UNC79: variants seen among roughly 807,000 people sequenced by gnomAD.
UNC79 encodes protein unc-79 homolog.
Under a neutral mutation model 283.1 loss-of-function variants are expected in UNC79, and 37 were observed. The ratio of observed to expected loss-of-function variants is 0.13; its 90% CI spans 0.10 to 0.17. The LOEUF is 0.17. Among genes scored for constraint, UNC79 ranks in the 10% least tolerant of loss-of-function variants. The pLI is 1.00. For missense variants in UNC79, 2,272 were observed against 3,211.1 expected (o/e 0.71, Z 7.07); for synonymous variants, 1,107 against 1,200.2 (o/e 0.92, Z 1.61).
At chr14:93,503,121 C>T (rs554888489) in intron 7 of UNC79, among the ~76,000 whole-genome samples, 64 of 152,216 alleles carry the variant, frequency 4.2e-4, no homozygotes, top group African/African-American at 1.4e-3. Context: ...ACTTCCAATA[C>T]CCAAGATTAG....
At chr14:93,443,156 C>A (rs796122235) in intron 1 of UNC79, among the ~76,000 whole-genome samples, 1 of 151,660 alleles carries the variant, frequency 6.6e-6, no homozygotes, top group Non-Finnish European at 1.5e-5. Context: ...CCTAGGAAGC[C>A]GAGGTTGCAG....
intron 1 of UNC79, among the ~76,000 whole-genome samples, chr14:93,451,683 C>T (rs755939566): frequency 2.6e-5 from 4 of 152,168 alleles, no homozygotes; most frequent in Non-Finnish European, 5.9e-5. Flanking sequence ...TTCAGCCAAT[C>T]CCCCACATTT....
intron 41 of UNC79, among the ~76,000 whole-genome samples, chr14:93,676,530 C>G (rs945363035): frequency 4.6e-4 from 70 of 152,298 alleles, no homozygotes; most frequent in African/African-American, 1.7e-3. Context: ...ACCTGAAAAC[C>G]ACCTAGACTT....
At chr14:93,524,071 C>G in intron 8 of UNC79, 29 bp downstream of exon 8, 2 of 1,612,300 alleles carry the variant, frequency 1.2e-6, no homozygotes, top group South Asian at 1.1e-5. Context: ...TGGTGCCATA[C>G]TGTATTGTCA....
At chr14:93,526,836 G>A (rs961546212) in intron 8 of UNC79, among the ~76,000 whole-genome samples, 3 of 152,012 alleles carry the variant, frequency 2.0e-5, no homozygotes, top group Non-Finnish European at 4.4e-5. Flanking sequence ...ACGTGAGAGA[G>A]GTATCAATGA....
At chr14:93,336,730 ACAAG>A (rs777303591) in intron 1 of UNC79, among the ~76,000 whole-genome samples, 38 of 152,356 alleles carry the variant, frequency 2.5e-4, no homozygotes, top group South Asian at 8.3e-4. Flanking sequence ...GGAAGAAAAG[ACAAG>A]CAAGTCACAG....
intron 14 of UNC79, among the ~76,000 whole-genome samples, chr14:93,559,703 G>A (rs1038398601): frequency 6.6e-6 from 1 of 152,044 alleles, no homozygotes; most frequent in African/African-American, 2.4e-5. Flanking sequence ...TTCTTTTGTG[G>A]TGGAATGTCA....
At chr14:93,633,291 A>G (rs2068194505) in intron 31 of UNC79, among the ~76,000 whole-genome samples, 1 of 152,190 alleles carries the variant, frequency 6.6e-6, no homozygotes, top group African/African-American at 2.4e-5. Flanking sequence ...TTCCCATCAC[A>G]TCCTTCCCTT....
chr14:93,675,296 G>A (rs1172168730), intron 41 of UNC79, among the ~76,000 whole-genome samples: 1 of 152,180 alleles, frequency 6.6e-6, no homozygotes, highest in East Asian at 1.9e-4. Context: ...TGTGGAAGAG[G>A]AAGTGGCTAA....
chr14:93,558,834 T>C (rs1302869089), intron 14 of UNC79, among the ~76,000 whole-genome samples: 6 of 151,928 alleles, frequency 3.9e-5, no homozygotes, highest in Non-Finnish European at 8.8e-5. Flanking sequence ...TAGAAAATCT[T>C]CCTTTTCTGT....
intron 24 of UNC79, among the ~76,000 whole-genome samples, chr14:93,599,075 T>A (rs756450069): frequency 4.6e-5 from 7 of 152,240 alleles, no homozygotes; most frequent in Non-Finnish European, 7.3e-5. Context: ...CTACTGTTTC[T>A]CCATGTTGCA....
At chr14:93,477,800 AG>A in intron 4 of UNC79, 72 bp downstream of exon 4, 1 of 1,444,932 alleles carries the variant, frequency 6.9e-7, no homozygotes, top group East Asian at 2.3e-5. Context: ...TTGCTGTTAT[AG>A]GCTCTAGTTT....
intron 1 of UNC79, among the ~76,000 whole-genome samples, chr14:93,366,505 ATAACT>A (rs148197022): frequency 0.014 from 2,174 of 152,020 alleles, 60 homozygotes; most frequent in African/African-American, 0.049. Flanking sequence ...CCATTCAGAA[ATAACT>A]TAATCCATGT....
intron 35 of UNC79, among the ~76,000 whole-genome samples, chr14:93,651,912 ATTTTTTTTTTTTTTTTTT>A (rs71129653): frequency 4.3e-5 from 2 of 46,602 alleles, no homozygotes; most frequent in East Asian, 1.3e-3. Context: ...CTAATTTTGT[ATTTTTTTTTTTTTTTTTT>A]TTTTTTTTTT....
chr14:93,443,568 T>C (rs761498994), intron 1 of UNC79, among the ~76,000 whole-genome samples: 1 of 151,774 alleles, frequency 6.6e-6, no homozygotes, highest in Non-Finnish European at 1.5e-5. Flanking sequence ...GGATTACAGG[T>C]GCACACCACC....
In UNC79 at chr14:93,381,297, G is replaced by C. The variant is rs1239782560; in HGVS notation, c.-351+47774G>C. On this transcript the variant is annotated intron_variant, in intron 1 of 49. Coordinates refer to the UNC79 transcript ENST00000256339. ...AATATCATGGGATTATCTGATGACG[G>C]ATGTTGGGGTTGTGACTCCCCCCAG... Among the ~76,000 whole-genome samples the C allele has an allele frequency of 2.6e-5, 4 of 152,326 alleles. No individual in the cohort carries two copies. The East Asian group carries it at 7.7e-4, about 29-fold the overall frequency.
chr14:93,481,512 T>A (rs1393805051), intron 4 of UNC79, among the ~76,000 whole-genome samples: 1 of 152,146 alleles, frequency 6.6e-6, no homozygotes, highest in Non-Finnish European at 1.5e-5. Context: ...AAGATATAAT[T>A]GTTTAAGATT....
At chr14:93,532,612 A>C in intron 11 of UNC79, 34 bp downstream of exon 11, 1 of 1,607,296 alleles carries the variant, frequency 6.2e-7, no homozygotes, top group South Asian at 1.1e-5. Context: ...TTGGGGCATG[A>C]TTTATTGTGT....
chr14:93,509,420 A>T (rs1419612406), intron 7 of UNC79, among the ~76,000 whole-genome samples: 2 of 152,180 alleles, frequency 1.3e-5, no homozygotes, highest in Non-Finnish European at 2.9e-5. Context: ...AACAGCCTGA[A>T]GTCTTATCTG....
Sources: gnomAD v4.1 joint callset for allele counts (sites outside exome capture counted in the v4.1 genomes callset) on GRCh38, gnomAD v4.1.1 for gene constraint, MANE v1.5 for transcripts, NCBI Gene and HGNC (gene_info 2026-07-23, HGNC 2026-07-21) for gene names.